Variants in PRKCI observed in about 807,000 individuals in gnomAD.
PRKCI encodes protein kinase C iota.
A neutral mutation model predicts 84.0 loss-of-function variants in PRKCI; 43 were observed. The ratio of observed to expected loss-of-function variants is 0.51; its 90% CI spans 0.40 to 0.66. The LOEUF (loss-of-function observed/expected upper bound fraction) is 0.66. PRKCI is among the 30% of genes least tolerant of loss of function. PRKCI has a pLI of 0.00. For synonymous variants in PRKCI, 216 were observed against 234.4 expected (o/e 0.92, Z 0.72); for missense variants, 459 against 745.6 (o/e 0.62, Z 4.48).
chr3:170,223,514 T>C (rs1732550868), intron 1 of PRKCI, among the ~76,000 whole-genome samples: 2 of 152,250 alleles, frequency 1.3e-5, no homozygotes, highest in African/African-American at 4.8e-5. Context: ...TTCACTCCCT[T>C]ACTATGGTTA....
intron 12 of PRKCI, chr3:170,291,511 A>G: frequency 4.8e-6 from 1 of 207,804 alleles, no homozygotes; most frequent in South Asian, 8.4e-5. Context: ...AGCCTGGCCA[A>G]CATGGTGAAA....
intron 8 of PRKCI, among the ~76,000 whole-genome samples, chr3:170,279,757 A>G (rs1041199339): frequency 3.3e-5 from 5 of 152,142 alleles, no homozygotes; most frequent in Admixed American, 3.3e-4. Flanking sequence ...CTTCCAGCAG[A>G]CTCTTTCATC....
intron 17 of PRKCI, 120 bp downstream of exon 17, chr3:170,299,230 A>G: frequency 2.1e-6 from 1 of 470,610 alleles, no homozygotes; most frequent in Non-Finnish European, 3.5e-6. Context: ...ATTTTATTTC[A>G]TTTTATTTTA....
At chr3:170,231,080 C>T (rs1207179517) in intron 1 of PRKCI, among the ~76,000 whole-genome samples, 1 of 150,652 alleles carries the variant, frequency 6.6e-6, no homozygotes, top group Non-Finnish European at 1.5e-5. Flanking sequence ...CAGTCTCAGT[C>T]TCTCAAGTAG....
rs1189718737 is a variant in PRKCI, at chr3:170,263,396, GA to G, written c.333del (p.Glu111AspfsTer90). On this transcript the variant is annotated frameshift_variant, in exon 4 of 18. Transcript: ENST00000295797. LOFTEE classifies it high-confidence loss of function. ...TCTTTCAGTGTTCCCTTGTGTACCA[GA>G]ACGTCCTGGGATGCCTTGTCCAGGA... ...LLIHVFPCVPERPGMPCPGED... is the reference protein window; with the variant it reads ...LLIHVFPCVPXRPGMPCPGED... The G allele has an allele frequency of 6.2e-7, 1 of 1,603,710 alleles. No individual in the cohort carries two copies. Among genetic ancestry groups the G allele is most frequent in the South Asian group, 1.1e-5 (1 of 90,770 alleles).
At chr3:170,260,607 C>G (rs1452419913) in intron 3 of PRKCI, among the ~76,000 whole-genome samples, 1 of 152,108 alleles carries the variant, frequency 6.6e-6, no homozygotes, top group African/African-American at 2.4e-5. Context: ...TGTGCACCAC[C>G]ATGGCTGGCT....
chr3:170,234,268 T>C (rs899702001), intron 1 of PRKCI, among the ~76,000 whole-genome samples: 9 of 151,902 alleles, frequency 5.9e-5, no homozygotes, highest in African/African-American at 1.9e-4. Context: ...CAACCTCAGG[T>C]GATCCATCTG....
At chr3:170,240,089 G>A (rs1733088722) in intron 2 of PRKCI, among the ~76,000 whole-genome samples, 1 of 152,038 alleles carries the variant, frequency 6.6e-6, no homozygotes, top group African/African-American at 2.4e-5. Flanking sequence ...TTGAGCATGG[G>A]AGATGGAGGC....
rs556899946 is a variant in PRKCI at position 170,222,626 on chromosome 3, C to G, written c.-44C>G. On this transcript the variant is annotated 5_prime_UTR_variant, in exon 1 of 18. Coordinates refer to ENST00000295797, the MANE Select transcript of PRKCI (RefSeq NM_002740.6). ...GTCCCCCACGGCGCCCGAAGCGCCC[C>G]CCCGCACCCCCGGCCTCCAGCGTTG... 1.5e-4 allele frequency: 223 copies of G among 1,498,004 alleles called. 2 individuals are homozygous for G. In the African/African-American group the frequency reaches 2.9e-3, roughly 20 times the overall value. The allele number at this position is 1,498,004 out of a possible 1,614,324, so 92.8% of individuals were successfully genotyped here.
At chr3:170,288,334 C>T (rs1348065800) in intron 12 of PRKCI, among the ~76,000 whole-genome samples, 2 of 152,042 alleles carry the variant, frequency 1.3e-5, no homozygotes, top group African/African-American at 4.8e-5. Context: ...TATACATTTT[C>T]ATTTCTTACA....
intron 11 of PRKCI, among the ~76,000 whole-genome samples, chr3:170,282,530 C>G (rs1308917229): frequency 6.6e-6 from 1 of 151,470 alleles, no homozygotes; most frequent in East Asian, 2.0e-4. Flanking sequence ...AACCCTGTCT[C>G]TACTAAAAAT....
At chr3:170,278,130 T>C (rs1224358316) in intron 8 of PRKCI, among the ~76,000 whole-genome samples, 1 of 152,236 alleles carries the variant, frequency 6.6e-6, no homozygotes, top group Non-Finnish European at 1.5e-5. Flanking sequence ...AGATGACATT[T>C]CACTGTTAAG....
At chr3:170,237,453 T>G (rs1180933739) in intron 2 of PRKCI, among the ~76,000 whole-genome samples, 1 of 152,112 alleles carries the variant, frequency 6.6e-6, no homozygotes, top group African/African-American at 2.4e-5. Context: ...AGGTGATAGG[T>G]GCAGCAAAAT....
chr3:170,232,589 CAG>C (rs533795142), intron 1 of PRKCI, among the ~76,000 whole-genome samples: 118 of 151,488 alleles, frequency 7.8e-4, no homozygotes, highest in Non-Finnish European at 1.5e-3. Context: ...TTTTTAGAGA[CAG>C]AGTCTTGCTC....
At chr3:170,244,480 C>T (rs184481024) in intron 2 of PRKCI, among the ~76,000 whole-genome samples, 7 of 152,138 alleles carry the variant, frequency 4.6e-5, no homozygotes, top group Non-Finnish European at 8.8e-5. Flanking sequence ...TGTGTCCCCC[C>T]GTACCTTGTC....
chr3:170,233,390 G>A (rs562085496), intron 1 of PRKCI, among the ~76,000 whole-genome samples: 208 of 151,952 alleles, frequency 1.4e-3, no homozygotes, highest in Non-Finnish European at 2.5e-3. Flanking sequence ...GCCATTTTGG[G>A]AATCTTTGTG....
rs1734931529 is a variant in PRKCI at position 170,305,393 on chromosome 3, T to C, written c.*2266T>C. Reference sequence around the variant, plus strand: ...TTGAGAAGGGGTAAGCAGTGAGTTATTACCCACAATTTAAAGCAAATTTTG... The same window carrying C: ...TTGAGAAGGGGTAAGCAGTGAGTTACTACCCACAATTTAAAGCAAATTTTG... On this transcript the variant is annotated 3_prime_UTR_variant, in exon 18 of 18. Coordinates refer to ENST00000295797, the MANE Select transcript of PRKCI (RefSeq NM_002740.6). 6.6e-6 allele frequency: 1 copy of C among 152,596 alleles called. No homozygotes were observed. Among genetic ancestry groups the C allele is most frequent in the Non-Finnish European group, 1.5e-5 (1 of 68,044 alleles). 9.5% of individuals were successfully genotyped at this position (152,596 alleles called of 1,614,324 possible).
chr3:170,275,103 A>C, intron 7 of PRKCI, 126 bp from the exon 8 acceptor site: 1 of 1,160,908 alleles, frequency 8.6e-7, no homozygotes, highest in Non-Finnish European at 1.1e-6. Flanking sequence ...ATGAAAATTT[A>C]TTCAGAAGTA....
chr3:170,264,737 G>T (rs984369166), intron 4 of PRKCI, among the ~76,000 whole-genome samples: 4 of 152,230 alleles, frequency 2.6e-5, no homozygotes, highest in African/African-American at 9.6e-5. Flanking sequence ...CATTAAAATT[G>T]TGGGATGGAG....
Sources: gnomAD v4.1 joint callset for allele counts (sites outside exome capture counted in the v4.1 genomes callset) on GRCh38, gnomAD v4.1.1 for gene constraint, MANE v1.5 for transcripts, NCBI Gene and HGNC (gene_info 2026-07-23, HGNC 2026-07-21) for gene names.